SLC15A1: variants seen among roughly 807,000 people sequenced by gnomAD.
SLC15A1 encodes the protein solute carrier family 15 member 1.
SLC15A1 carries 83 observed loss-of-function variants against 92.9 expected under a neutral mutation model. The observed-to-expected ratio is 0.89, with a 90% confidence interval of 0.75 to 1.07. SLC15A1 has a LOEUF of 1.07. SLC15A1 is among the 50% of genes least tolerant of loss of function. The pLI, the probability that SLC15A1 is intolerant of heterozygous loss-of-function variation, is 0.00. For missense variants in SLC15A1, 857 were observed against 880.1 expected (o/e 0.97, Z 0.33); for synonymous variants, 322 against 318.2 (o/e 1.01, Z -0.13).
chr13:98,690,732 CCA>C (rs1426969053), intron 18 of SLC15A1, among the ~76,000 whole-genome samples: 1 of 152,188 alleles, frequency 6.6e-6, no homozygotes, highest in Non-Finnish European at 1.5e-5. Flanking sequence ...GTGCCACCCA[CCA>C]CACACCCAGG....
intron 9 of SLC15A1, among the ~76,000 whole-genome samples, chr13:98,715,087 AT>A (rs576001698): frequency 9.5e-4 from 144 of 152,304 alleles, no homozygotes; most frequent in Admixed American, 1.6e-3. Flanking sequence ...ATTTGCAGCA[AT>A]TTGTGGGCTT....
Position 98,737,738 on chromosome 13 carries a change from A to T in SLC15A1, c.5-10879T>A, listed in dbSNP as rs1166244817. Among the ~76,000 whole-genome samples the T allele has an allele frequency of 2.0e-5, 3 of 152,228 alleles. No individual in the cohort carries two copies. The East Asian group carries it at 5.8e-4, about 29-fold the overall frequency. On this transcript the variant is annotated intron_variant, in intron 1 of 22. Transcript: ENST00000376503. The stretch of plus-strand genomic sequence containing the variant: ...AATACAAGAATGGCCTAACACAGAA[A>T]AATGGTACTGAGGAATGGGTCATTG...
At chr13:98,702,575 C>T in intron 17 of SLC15A1, 46 bp from the exon 18 acceptor site, 1 of 1,406,638 alleles carries the variant, frequency 7.1e-7, no homozygotes, top group Non-Finnish European at 1.0e-6. Flanking sequence ...AAATAATATT[C>T]ATTAGAATGA....
chr13:98,730,634 C>T (rs763118398), intron 1 of SLC15A1, among the ~76,000 whole-genome samples: 59 of 152,264 alleles, frequency 3.9e-4, no homozygotes, highest in Non-Finnish European at 8.1e-4. Context: ...CTGGAAGAGT[C>T]CTGCGAACCC....
At chr13:98,709,168 C>T (rs2088140820) in intron 14 of SLC15A1, among the ~76,000 whole-genome samples, 1 of 152,034 alleles carries the variant, frequency 6.6e-6, no homozygotes, top group South Asian at 2.1e-4. Context: ...GGGAATTTGC[C>T]ATGTTGGCCA....
chr13:98,715,982 A>G (rs769550520), intron 8 of SLC15A1, 22 bp from the exon 9 acceptor site: 1 of 1,606,218 alleles, frequency 6.2e-7, no homozygotes, highest in Non-Finnish European at 8.5e-7. Flanking sequence ...AGAAGAAGAC[A>G]TGTCAGCAAA....
At chr13:98,752,425 C>T (rs1223263900) in intron 1 of SLC15A1, among the ~76,000 whole-genome samples, 170 bp downstream of exon 1, 2 of 152,084 alleles carry the variant, frequency 1.3e-5, no homozygotes, top group African/African-American at 4.8e-5. Context: ...ACGGTGACCA[C>T]CCGGGAGGGG....
intron 11 of SLC15A1, among the ~76,000 whole-genome samples, chr13:98,710,808 CAAA>C (rs4646225): frequency 2.1e-3 from 150 of 71,672 alleles, no homozygotes; most frequent in Middle Eastern, 0.018. Flanking sequence ...ACTCTTGACT[CAAA>C]AAAAAAAAAA....
chr13:98,728,977 T>TAA (rs71218592), intron 1 of SLC15A1, among the ~76,000 whole-genome samples: 365 of 13,878 alleles, frequency 0.026, 64 homozygotes, highest in Non-Finnish European at 0.034. Flanking sequence ...TAAGGCTCTG[T>TAA]AAAAAAAAAA....
At chr13:98,747,874 C>A (rs1261646275) in intron 1 of SLC15A1, among the ~76,000 whole-genome samples, 2 of 152,052 alleles carry the variant, frequency 1.3e-5, no homozygotes, top group Admixed American at 1.3e-4. Flanking sequence ...GAGCAGACTG[C>A]ATCTCAAAAA....
At position 98,728,006 on chromosome 13, in the gene SLC15A1, C is replaced by T. The variant is rs138173821; in HGVS notation, c.5-1147G>A. 5.0e-3 allele frequency among the ~76,000 whole-genome samples: 767 copies of T among 152,266 alleles called. 8 individuals carry two copies. The highest frequency in any genetic ancestry group is 8.7e-3 in the Non-Finnish European group (589 of 68,030). On this transcript the variant is annotated intron_variant, in intron 1 of 22. Transcript: ENST00000376503. ...TTCCTGGAGTTGTTGATTCTGTAGG[C>T]CTGAGATGGACACTTGAGCTTGCAT...
intron 16 of SLC15A1, among the ~76,000 whole-genome samples, chr13:98,705,092 A>AC (rs2088101203): frequency 6.6e-6 from 1 of 150,688 alleles, no homozygotes; most frequent in Admixed American, 6.6e-5. Flanking sequence ...CCAGCTATTT[A>AC]GGTGGCTAAG....
intron 1 of SLC15A1, among the ~76,000 whole-genome samples, chr13:98,747,030 C>T (rs2088498685): frequency 6.6e-6 from 1 of 151,946 alleles, no homozygotes; most frequent in African/African-American, 2.4e-5. Context: ...GAGGTGTGGC[C>T]CCCCCCACCC....
chr13:98,736,311 C>G (rs146164292), intron 1 of SLC15A1, among the ~76,000 whole-genome samples: 13,338 of 152,198 alleles, frequency 0.088, 616 homozygotes, highest in South Asian at 0.15. Flanking sequence ...AAACTGGATC[C>G]CTTCCTTACA....
intron 1 of SLC15A1, among the ~76,000 whole-genome samples, chr13:98,750,719 C>T (rs1475395171): frequency 6.6e-6 from 1 of 151,750 alleles, no homozygotes; most frequent in Non-Finnish European, 1.5e-5. Flanking sequence ...GGATCTGAAG[C>T]AATTCTGGCA....
rs1018803963 is a variant in SLC15A1 at position 98,709,572 on chromosome 13, G to A, written c.1067C>T (p.Thr356Ile). The A allele has an allele frequency of 6.8e-6, 11 of 1,613,880 alleles. No individual in the cohort carries two copies. Among genetic ancestry groups the A allele is most frequent in the East Asian group, 4.5e-5 (2 of 44,898 alleles). ...CCAACCCAACCCACCCGTCACCTACGTGAAATTGAAGCCACATTTTGCAAT... is the reference window on the plus strand; with the variant it reads ...CCAACCCAACCCACCCGTCACCTACATGAAATTGAAGCCACATTTTGCAAT... ...PLIAKCGFNFTSLKKMAVGMV... is the reference protein window; with the variant it reads ...PLIAKCGFNFISLKKMAVGMV... The change falls in exon 14 of 23, where the codon ACC becomes ATC. Residue 356 changes from threonine to isoleucine, a missense_variant and splice_region_variant. Physicochemically the swap from Thr to Ile is moderately conservative, Grantham distance 89 (BLOSUM62 -1). Coordinates refer to ENST00000376503, the MANE Select transcript of SLC15A1 (RefSeq NM_005073.4).
At chr13:98,697,699 G>A (rs1227502247) in intron 18 of SLC15A1, among the ~76,000 whole-genome samples, 3 of 149,820 alleles carry the variant, frequency 2.0e-5, no homozygotes, top group African/African-American at 7.4e-5. Flanking sequence ...TGATCCAAGT[G>A]TGAGAATATA....
At position 98,687,716 on chromosome 13, in the gene SLC15A1, G is replaced by T. The variant is rs200602769; in HGVS notation, c.1692C>A (p.Ser564Arg). The change falls in exon 21 of 23, where the codon AGC (serine) becomes AGA (arginine). Residue 564 changes from serine (S) to arginine (R), a missense_variant. Transcript: ENST00000376503. ...YTYIVQRKNDSCPEVKVFEDI... is the reference protein window; with the variant it reads ...YTYIVQRKNDRCPEVKVFEDI... ...CTTCAAACACCTTCACTTCAGGGCA[G>T]CTGTCATTCTGCAGCAGTAAGGCAA... is the stretch of plus-strand genomic sequence containing the variant. 6.2e-7 allele frequency: 1 copy of T among 1,613,022 alleles called. No individual in the cohort carries two copies. The highest frequency in any genetic ancestry group is 1.7e-5 in the Admixed American group (1 of 59,732).
At chr13:98,720,609 C>T (rs2088249019) in intron 7 of SLC15A1, 1 of 160,880 alleles carries the variant, frequency 6.2e-6, no homozygotes, top group Non-Finnish European at 1.4e-5. Flanking sequence ...ACCAGTAACA[C>T]CACATATTCC....
Sources: gnomAD v4.1 joint callset for allele counts (sites outside exome capture counted in the v4.1 genomes callset) on GRCh38, gnomAD v4.1.1 for gene constraint, MANE v1.5 for transcripts, NCBI Gene and HGNC (gene_info 2026-07-23, HGNC 2026-07-21) for gene names.